Variants in PCNX3 observed in about 807,000 individuals in gnomAD.
The protein encoded by PCNX3 is pecanex-like protein 3.
PCNX3 carries 58 observed loss-of-function variants against 207.2 expected under a neutral mutation model. That is an observed-to-expected ratio of 0.28 (90% CI 0.23 to 0.35). The LOEUF is 0.35. Among genes scored for constraint, PCNX3 ranks in the 10% least tolerant of loss-of-function variants. The probability of loss-of-function intolerance (pLI) is 1.00; values close to 1 mark genes in which losing one functional copy is unlikely to be tolerated. For missense variants in PCNX3, 2,410 were observed against 2,774.4 expected (o/e 0.87, Z 2.95); for synonymous variants, 1,337 against 1,183.5 (o/e 1.13, Z -2.66).
chr11:65,619,586 C>T lies in PCNX3; in HGVS notation c.1755C>T (p.Thr585=), dbSNP rs374179842. ...RRDRSSSVRR[T]QAIRRRHNAG... ...ACCGCTCAAGCAGTGTGAGGCGGAC[C>T]CAGGCCATTCGGAGACGCCACAATG... is the stretch of plus-strand genomic sequence containing the variant. The change falls in exon 7 of 35, where the codon ACC becomes ACT. Residue 585 remains threonine, a synonymous_variant. Coordinates refer to ENST00000355703, the MANE Select transcript of PCNX3 (RefSeq NM_032223.4). The T allele has an allele frequency of 1.1e-5, 18 of 1,608,546 alleles. No homozygotes were observed. In the African/African-American group the frequency reaches 1.6e-4, roughly 14 times the overall value.
Position 65,626,959 on chromosome 11 carries a change from G to A in PCNX3, c.3435G>A (p.Glu1145=). ...TGTATGCTGGCCTGCAGTGCGTAGA[G>A]AAGTACCTCATCTACCCCGCCGTGG... ...EKLYAGLQCV[E]KYLIYPAVVL... The change falls in exon 21 of 35, where the codon GAG becomes GAA. Residue 1145 remains glutamate, a synonymous_variant. Coordinates refer to ENST00000355703, the MANE Select transcript of PCNX3 (RefSeq NM_032223.4). The A allele has an allele frequency of 6.4e-7, 1 of 1,574,656 alleles. No individual in the cohort carries two copies. Among genetic ancestry groups the A allele is most frequent in the Non-Finnish European group, 8.6e-7 (1 of 1,159,896 alleles).
chr11:65,625,077 T>C lies in PCNX3; in HGVS notation c.2919+61T>C, dbSNP rs1055122654. Reference sequence around the variant, plus strand: ...TGCGTAAGGGTGGTTGGGGCGGGGCTGTGAACTGGGCTCAGCAGTGGCTTC... The same window carrying C: ...TGCGTAAGGGTGGTTGGGGCGGGGCCGTGAACTGGGCTCAGCAGTGGCTTC... On this transcript the variant is annotated intron_variant, in intron 16 of 34. Coordinates refer to ENST00000355703, the MANE Select transcript of PCNX3 (RefSeq NM_032223.4). The surrounding 1 kb of genome is among the most constrained non-coding windows in gnomAD (Gnocchi z 5.6). 2 of 1,568,982 alleles carry C rather than the reference T, an allele frequency of 1.3e-6. No individual in the cohort carries two copies. The highest frequency in any genetic ancestry group is 1.8e-5 in the Admixed American group (1 of 56,708).
Position 65,624,185 on chromosome 11 carries a change from G to C in PCNX3, c.2545-10G>C. ...GGGGAGACCCAGCTCCTCATGGGCT[G>C]ACCCCTCAGGGCCACAACTGGGTGA... On this transcript the variant is annotated splice_polypyrimidine_tract_variant and intron_variant, in intron 13 of 34. Coordinates refer to ENST00000355703, the MANE Select transcript of PCNX3 (RefSeq NM_032223.4). 6.3e-7 allele frequency: 1 copy of C among 1,599,326 alleles called. No homozygotes were observed.
In PCNX3 at chr11:65,626,851, A is replaced by AAGGACTTCCTCG; in HGVS notation, c.3380-53_3380-52insAGGACTTCCTCG. Reference sequence around the variant, plus strand: ...TGCCCTCCTAGGGAAGGACTTCCTCAGGGAAGGCAGGCATGTGGAAGCCAG... The same window carrying AAGGACTTCCTCG: ...TGCCCTCCTAGGGAAGGACTTCCTCAAGGACTTCCTCGGGGAAGGCAGGCATGTGGAAGCCAG... On this transcript the variant is annotated intron_variant, in intron 20 of 34. Transcript: ENST00000355703. 5 of 1,555,576 alleles carry AAGGACTTCCTCG rather than the reference A, an allele frequency of 3.2e-6. No homozygotes were observed. The South Asian group carries it at 3.6e-5, about 11-fold the overall frequency.
rs766295569 is a variant in PCNX3 at position 65,623,481 on chromosome 11, G to A, written c.2358-10G>A. On this transcript the variant is annotated splice_polypyrimidine_tract_variant and intron_variant, in intron 11 of 34. Transcript: ENST00000355703. ...AAGACGGGCACGCCCTGACTAGGCT[G>A]TCCCTGCAGGACGCGGGGAGTGCTG... The A allele has an allele frequency of 1.3e-6, 2 of 1,594,098 alleles. No individual in the cohort carries two copies.
rs1414748800 is a variant in PCNX3 at position 65,636,292 on chromosome 11, C to CGGTTA, written c.5578_5579insGGTTA (p.Pro1860ArgfsTer26). 6.2e-7 allele frequency: 1 copy of CGGTTA among 1,609,730 alleles called. No homozygotes were observed. Among genetic ancestry groups the CGGTTA allele is most frequent in the African/African-American group, 1.3e-5 (1 of 74,792 alleles). Reference sequence around the variant, plus strand: ...TAACCCCCCCGTGGCACACCCCACACCTGAGAACACGGCAGGTGAGCAGGC... The same window carrying CGGTTA: ...TAACCCCCCCGTGGCACACCCCACACGGTTACTGAGAACACGGCAGGTGAGCAGGC... On this transcript the variant is annotated frameshift_variant, in exon 33 of 35. Coordinates refer to ENST00000355703, the MANE Select transcript of PCNX3 (RefSeq NM_032223.4). LOFTEE classifies it high-confidence loss of function.
Position 65,619,037 on chromosome 11 carries a change from G to A in PCNX3, c.1675G>A (p.Glu559Lys), listed in dbSNP as rs747919846. The change falls in exon 6 of 35, where the codon GAG becomes AAG. Residue 559 changes from glutamate (E) to lysine (K), a missense_variant. Around this residue, in one of 8 missense-constraint regions of PCNX3, gnomAD observed 1,104 missense variants for 970.3 expected, o/e 1.14. Transcript: ENST00000355703. ...PAANQPGWRG[E>K]LQEEGAVGGA... is the part of the protein sequence containing the mutation. ...TGCCAACCAGCCCGGCTGGCGGGGG[G>A]AGCTGCAGGAGGAAGGTGCTGTGGG... 4 of 1,593,000 alleles carry A rather than the reference G, an allele frequency of 2.5e-6. No homozygotes were observed. The highest frequency in any genetic ancestry group is 2.2e-5 in the East Asian group (1 of 44,742).
At position 65,620,907 on chromosome 11, in the gene PCNX3, C is replaced by A; in HGVS notation, c.2176C>A (p.Pro726Thr). ...EATGGLNLLQ[P>T]RPVVLQGMQV... The stretch of plus-strand genomic sequence containing the variant: ...TACAGGCGGCCTGAACCTGCTGCAG[C>A]CGAGGCCTGTGGTTCTGCAGGGCAT... Residue 726 changes from proline (P) to threonine (T), a missense_variant, in exon 10 of 35, where the codon CCG (proline) becomes ACG (threonine). Pro to Thr is a conservative substitution (Grantham distance 38). Coordinates refer to ENST00000355703, the MANE Select transcript of PCNX3 (RefSeq NM_032223.4). 1 of 1,565,872 alleles carries A rather than the reference C, an allele frequency of 6.4e-7. No homozygotes were observed. The highest frequency in any genetic ancestry group is 1.9e-5 in the Admixed American group (1 of 53,316).
chr11:65,619,457 C>A lies in PCNX3; in HGVS notation c.1706-80C>A, dbSNP rs938807671. On this transcript the variant is annotated intron_variant, in intron 6 of 34. Coordinates refer to ENST00000355703, the MANE Select transcript of PCNX3 (RefSeq NM_032223.4). ...TTGTACTAGGCCTTTAGCTCCCTGG[C>A]GGAACACCGTCCCCAACCTTACTCC... The A allele has an allele frequency of 6.5e-6, 10 of 1,550,304 alleles. No individual in the cohort carries two copies. In the African/African-American group the frequency reaches 1.2e-4, roughly 19 times the overall value.
intron 27 of PCNX3, among the ~76,000 whole-genome samples, chr11:65,632,472 C>A (rs975617114): frequency 6.8e-6 from 1 of 146,520 alleles, no homozygotes; most frequent in African/African-American, 2.5e-5. Flanking sequence ...AGACCTGCTT[C>A]TGCAGCTGGG....
Position 65,618,692 on chromosome 11 carries a change from A to G in PCNX3, c.1330A>G (p.Thr444Ala). ...TCTCCGATCGCAGCGCCGCTACAGT[A>G]CTGACAGCTCCTCTTCTACTTCCTG... Reference protein sequence around the residue: ...SSLRSQRRYSTDSSSSTSCYS... With the variant: ...SSLRSQRRYSADSSSSTSCYS... The change falls in exon 6 of 35, where the codon ACT becomes GCT. Residue 444 changes from threonine (T) to alanine (A), a missense_variant. Coordinates refer to ENST00000355703, the MANE Select transcript of PCNX3 (RefSeq NM_032223.4). 2 of 1,613,274 alleles carry G rather than the reference A, an allele frequency of 1.2e-6. No homozygotes were observed. Among genetic ancestry groups the G allele is most frequent in the Non-Finnish European group, 1.7e-6 (2 of 1,179,756 alleles).
In PCNX3 at chr11:65,618,980, G is replaced by T; in HGVS notation, c.1618G>T (p.Val540Leu). The T allele has an allele frequency of 6.2e-7, 1 of 1,602,706 alleles. No homozygotes were observed. The change falls in exon 6 of 35, where the codon GTG becomes TTG. Residue 540 changes from valine to leucine, a missense_variant. Around this residue, in one of 8 missense-constraint regions of PCNX3, gnomAD observed 1,104 missense variants for 970.3 expected, o/e 1.14. Coordinates refer to ENST00000355703, the MANE Select transcript of PCNX3 (RefSeq NM_032223.4). ...GVEQAASEPV[V>L]LPAEARRGPA... Reference sequence around the variant, plus strand: ...GGAGCAGGCTGCTAGTGAGCCTGTTGTGCTGCCTGCTGAGGCGCGAAGGGG... The same window carrying T: ...GGAGCAGGCTGCTAGTGAGCCTGTTTTGCTGCCTGCTGAGGCGCGAAGGGG...
rs773970440 is a variant in PCNX3 at position 65,634,212 on chromosome 11, G to A, written c.4557G>A (p.Arg1519=). 5.6e-6 allele frequency: 9 copies of A among 1,613,366 alleles called. No homozygotes were observed. In the Admixed American group the frequency reaches 1.5e-4, roughly 27 times the overall value. Residue 1519 remains arginine, a synonymous_variant, in exon 28 of 35, where the codon CGG becomes CGA. Coordinates refer to ENST00000355703, the MANE Select transcript of PCNX3 (RefSeq NM_032223.4). ...TCACGGCAGCCCTGAGGCCTGTGCG[G>A]GTGCCCGGCTATGCCGACTCGGATC... is the stretch of plus-strand genomic sequence containing the variant. ...EGITAALRPV[R]VPGYADSDPT...
chr11:65,623,767 C>G, intron 12 of PCNX3, 123 bp downstream of exon 12: 3 of 1,517,914 alleles, frequency 2.0e-6, no homozygotes, highest in Non-Finnish European at 2.7e-6. Flanking sequence ...TTCCCTAGAG[C>G]TGGCCAGCTC....
At position 65,627,567 on chromosome 11, in the gene PCNX3, C is replaced by G; in HGVS notation, c.3687C>G (p.Ser1229=). 6.2e-7 allele frequency: 1 copy of G among 1,613,818 alleles called. No individual in the cohort carries two copies. Among genetic ancestry groups the G allele is most frequent in the Non-Finnish European group, 8.5e-7 (1 of 1,179,852 alleles). ...TTCTGCTTGACTACTTCCTCATGTC[C>G]CTGCTTTGCAGCAAGGTGAGTTGGT... is the stretch of plus-strand genomic sequence containing the variant. The part of the protein sequence containing the change: ...QGFLLDYFLM[S]LLCSKLWDLL... Residue 1229 remains serine (S), a synonymous_variant, in exon 22 of 35, where the codon TCC becomes TCG. Coordinates refer to ENST00000355703, the MANE Select transcript of PCNX3 (RefSeq NM_032223.4).
In PCNX3 at chr11:65,617,464, A is replaced by T. The variant is rs1428685158; in HGVS notation, c.442-6A>T. The T allele has an allele frequency of 6.2e-7, 1 of 1,613,522 alleles. No individual in the cohort carries two copies. The highest frequency in any genetic ancestry group is 8.5e-7 in the Non-Finnish European group (1 of 1,179,748). On this transcript the variant is annotated splice_region_variant and splice_polypyrimidine_tract_variant and intron_variant, in intron 3 of 34. Transcript: ENST00000355703. Reference sequence around the variant, plus strand: ...TTTGTTCCTTCATGGCTCTCTGTCTACTCAGGAGCTGCTGCCCCGAATGGA... The same window carrying T: ...TTTGTTCCTTCATGGCTCTCTGTCTTCTCAGGAGCTGCTGCCCCGAATGGA...
chr11:65,617,288 G>A lies in PCNX3; in HGVS notation c.380G>A (p.Ser127Asn), dbSNP rs558009668. The change falls in exon 3 of 35, where the codon AGT becomes AAT. Residue 127 changes from serine to asparagine, a missense_variant. Physicochemically the swap from Ser to Asn is conservative, Grantham distance 46. This residue lies in a region of PCNX3 where 1,104 missense variants were observed against 970.3 expected (regional missense o/e 1.14). Transcript: ENST00000355703. ...GAGATGACAGTGTTCCGGAAAGTCA[G>A]TTCCACACCCCCGGTGCGCTGCAGC... ...GVEMTVFRKV[S>N]STPPVRCSSQ... is the part of the protein sequence containing the mutation. 1.2e-6 allele frequency: 2 copies of A among 1,611,054 alleles called. No individual in the cohort carries two copies. The highest frequency in any genetic ancestry group is 2.7e-5 in the African/African-American group (2 of 74,808).
intron 29 of PCNX3, 104 bp downstream of exon 29, chr11:65,634,745 G>C: frequency 8.0e-7 from 1 of 1,251,152 alleles, no homozygotes; most frequent in Non-Finnish European, 1.1e-6. Flanking sequence ...AACTGCAGTG[G>C]CCCTTCCTGT....
intron 5 of PCNX3, 34 bp from the exon 6 acceptor site, chr11:65,617,905 CT>C: frequency 1.9e-6 from 3 of 1,543,616 alleles, no homozygotes; most frequent in Non-Finnish European, 2.6e-6. Context: ...GCAGAAAACC[CT>C]TTTTTCATTT....
Sources: allele counts gnomAD v4.1 joint callset (sites outside exome capture counted in the v4.1 genomes callset), GRCh38; gene constraint gnomAD v4.1.1; regional missense constraint gnomAD v4.1.1; non-coding constraint Gnocchi (gnomAD v3.1); transcripts MANE v1.5; gene names NCBI Gene and HGNC (gene_info 2026-07-23, HGNC 2026-07-21).